The following HOXC5 variants were observed in gnomAD, a reference collection of about 807,000 sequenced individuals.
HOXC5 encodes the protein homeobox C5, also known as homeobox protein Hox-C5.
A neutral mutation model predicts 20.1 loss-of-function variants in HOXC5; 19 were observed. The ratio of observed to expected loss-of-function variants is 0.94; its 90% CI spans 0.66 to 1.38. HOXC5 has a LOEUF of 1.38. Ranked by LOEUF, HOXC5 falls within the 40% of genes most tolerant of loss-of-function variation. HOXC5 has a pLI of 0.00. For missense variants in HOXC5, 330 were observed against 300.1 expected (o/e 1.10, Z -0.74); for synonymous variants, 124 against 117.0 (o/e 1.06, Z -0.39).
At chr12:54,017,753 G>A in the HOXC5 span, among the ~76,000 whole-genome samples, 1 of 152,116 alleles carries the variant, frequency 6.6e-6, no homozygotes, top group Non-Finnish European at 1.5e-5. Context: ...ATAGATCTTC[G>A]GTCTCTTGGC....
intron 1 of HOXC5, 175 bp from the exon 2 acceptor site, chr12:54,034,103 A>G: frequency 2.8e-6 from 2 of 725,448 alleles, no homozygotes; most frequent in Non-Finnish European, 5.1e-6. Flanking sequence ...GCCTGGGCGG[A>G]GGCGCCTCTC....
the HOXC5 span, among the ~76,000 whole-genome samples, chr12:54,025,711 G>A: frequency 3.9e-5 from 6 of 152,138 alleles, no homozygotes; most frequent in Admixed American, 3.3e-4. Flanking sequence ...GTTTAGGGAC[G>A]TCATAAAACA....
At chr12:54,022,001 T>G in the HOXC5 span, 1 of 152,276 alleles carries the variant, frequency 6.6e-6, no homozygotes, top group Non-Finnish European at 1.5e-5. Flanking sequence ...GGGCAGCTGT[T>G]TATAGGGTCA....
At chr12:54,023,933 T>C in the HOXC5 span, among the ~76,000 whole-genome samples, 2 of 152,226 alleles carry the variant, frequency 1.3e-5, no homozygotes, top group Non-Finnish European at 2.9e-5. Flanking sequence ...CTCTTTGCGA[T>C]CTGATCCTTT....
At chr12:54,022,858 G>C in the HOXC5 span, among the ~76,000 whole-genome samples, 1 of 152,162 alleles carries the variant, frequency 6.6e-6, no homozygotes. Context: ...TCCAAGCAGT[G>C]CTTCATGTGG....
the HOXC5 span, chr12:54,021,737 T>C: frequency 6.6e-6 from 1 of 152,318 alleles, no homozygotes; most frequent in Non-Finnish European, 1.5e-5. Context: ...ACTCCAGGAT[T>C]GTGCCCCTCG....
At chr12:54,028,867 C>A, upstream of HOXC5, 2 of 1,613,880 alleles carry the variant, frequency 1.2e-6, no homozygotes, top group Non-Finnish European at 1.7e-6. Flanking sequence ...GCCCCAGGAC[C>A]AGAAAGCCAG....
At chr12:54,024,846 C>T in the HOXC5 span, among the ~76,000 whole-genome samples, 4 of 152,214 alleles carry the variant, frequency 2.6e-5, no homozygotes, top group East Asian at 3.8e-4. Context: ...AGGTCCAAGG[C>T]GCAGGCAGTA....
At chr12:54,019,188 C>G in the HOXC5 span, among the ~76,000 whole-genome samples, 35 of 140,718 alleles carry the variant, frequency 2.5e-4, no homozygotes, top group Non-Finnish European at 4.5e-4. Flanking sequence ...CCCCCCCACC[C>G]CCAGTAGGAC....
chr12:54,030,320 C>T (rs1940935477), upstream of HOXC5: 1 of 161,384 alleles, frequency 6.2e-6, no homozygotes, highest in Non-Finnish European at 1.3e-5. Flanking sequence ...CACCCCCGCC[C>T]CCCGTGCAGA....
chr12:54,034,044 C>A (rs927750242), intron 1 of HOXC5: 2 of 699,550 alleles, frequency 2.9e-6, no homozygotes, highest in Non-Finnish European at 5.4e-6. Context: ...CCCCAACCCC[C>A]CCTCAGCCCC....
At chr12:54,024,567 C>T in the HOXC5 span, among the ~76,000 whole-genome samples, 1 of 152,124 alleles carries the variant, frequency 6.6e-6, no homozygotes, top group African/African-American at 2.4e-5. Context: ...TTCAAATATC[C>T]CTCCCCAGGA....
upstream of HOXC5, chr12:54,028,471 A>G: frequency 6.4e-7 from 1 of 1,564,940 alleles, no homozygotes; most frequent in East Asian, 2.2e-5. Flanking sequence ...CAAACTGGAG[A>G]CAGAAATAAA....
upstream of HOXC5, chr12:54,029,703 G>T (rs113381644): frequency 1.1e-4 from 178 of 1,613,964 alleles, no homozygotes; most frequent in Non-Finnish European, 1.4e-4. Flanking sequence ...ATCTACTCGC[G>T]GTACCAGACC....
At chr12:54,023,928 T>G in the HOXC5 span, among the ~76,000 whole-genome samples, 4 of 152,316 alleles carry the variant, frequency 2.6e-5, no homozygotes, top group East Asian at 7.7e-4. Context: ...GGAGGCTCTT[T>G]GCGATCTGAT....
Position 54,033,466 on chromosome 12 carries a change from G to C in HOXC5, c.344G>C (p.Ser115Thr), listed in dbSNP as rs1279668958. The change falls in exon 1 of 2, where the codon AGT (serine) becomes ACT (threonine). Residue 115 changes from serine (S) to threonine (T), a missense_variant. Physicochemically the swap from Ser to Thr is moderately conservative, Grantham distance 58. Transcript: ENST00000312492. ...GCGCTGGAGGAGCGAGCTAAGAGCA[G>C]TGGGGAGATCAAAGAGGAGCAGGCG... The part of the protein sequence containing the change: ...RPALEERAKS[S>T]GEIKEEQAQT... 3.1e-6 allele frequency: 5 copies of C among 1,598,862 alleles called. No individual in the cohort carries two copies. Among genetic ancestry groups the C allele is most frequent in the Non-Finnish European group, 4.3e-6 (5 of 1,174,562 alleles).
At chr12:54,026,969 G>T in the HOXC5 span, among the ~76,000 whole-genome samples, 1 of 137,760 alleles carries the variant, frequency 7.3e-6, no homozygotes. Context: ...AATGGTGGGG[G>T]GGGGGGGATA....
At chr12:54,027,694 G>A in the HOXC5 span, among the ~76,000 whole-genome samples, 5 of 152,002 alleles carry the variant, frequency 3.3e-5, no homozygotes, top group African/African-American at 1.2e-4. Flanking sequence ...TTTCCCAACA[G>A]AGGGGTCCTG....
rs765905719 is a variant in HOXC5 at position 54,033,488 on chromosome 12, G to A, written c.366G>A (p.Gln122=). Residue 122 remains glutamine (Q), a synonymous_variant, in exon 1 of 2, where the codon CAG becomes CAA. Transcript: ENST00000312492. ...AKSSGEIKEE[Q]AQTGQPAGLS... Reference sequence around the variant, plus strand: ...GCAGTGGGGAGATCAAAGAGGAGCAGGCGCAGACAGGGCAGCCCGCCGGAC... The same window carrying A: ...GCAGTGGGGAGATCAAAGAGGAGCAAGCGCAGACAGGGCAGCCCGCCGGAC... 6.3e-7 allele frequency: 1 copy of A among 1,593,298 alleles called. No homozygotes were observed. Among genetic ancestry groups the A allele is most frequent in the South Asian group, 1.1e-5 (1 of 89,098 alleles).
Sources: gnomAD v4.1 joint callset for allele counts (sites outside exome capture counted in the v4.1 genomes callset) on GRCh38, gnomAD v4.1.1 for gene constraint, MANE v1.5 for transcripts, NCBI Gene and HGNC (gene_info 2026-07-23, HGNC 2026-07-21) for gene names.